SCNN1A: variants seen among roughly 807,000 people sequenced by gnomAD.
SCNN1A encodes sodium channel epithelial 1 subunit alpha.
A neutral mutation model predicts 68.6 loss-of-function variants in SCNN1A; 65 were observed. That is an observed-to-expected ratio of 0.95 (90% CI 0.78 to 1.16). The LOEUF (loss-of-function observed/expected upper bound fraction) is 1.16, where lower values mean the gene tolerates loss of function less well. Ranked by LOEUF, SCNN1A falls within the 50% of genes most tolerant of loss-of-function variation. The pLI is 0.00. For synonymous variants in SCNN1A, 357 were observed against 353.3 expected (o/e 1.01, Z -0.12); for missense variants, 880 against 865.9 (o/e 1.02, Z -0.20).
Position 6,347,705 on chromosome 12 carries a change from T to G in SCNN1A, c.*168A>C. On this transcript the variant is annotated 3_prime_UTR_variant, in exon 13 of 13. Coordinates refer to ENST00000228916, the MANE Select transcript of SCNN1A (RefSeq NM_001038.6). ...TCTGGGCAGCTTCATCAGCTACTGT[T>G]CTTGGAGCAACTTCCTGAGCCCTTA... 1.5e-6 allele frequency: 1 copy of G among 663,344 alleles called. No individual in the cohort carries two copies. Among genetic ancestry groups the G allele is most frequent in the Non-Finnish European group, 2.7e-6 (1 of 369,796 alleles). 41.1% of individuals were successfully genotyped at this position (663,344 alleles called of 1,614,324 possible).
rs1565481887 is a variant in SCNN1A, at chr12:6,362,098, G to A, written c.828C>T (p.Gly276=). Residue 276 remains glycine (G), a synonymous_variant, in exon 4 of 13, where the codon GGC becomes GGT. Coordinates refer to ENST00000228916, the MANE Select transcript of SCNN1A (RefSeq NM_001038.6). ...TGAAGCGGCAGGCGAAGATGAAGTT[G>A]CCCAGCGTGTCCTCCTCCAGGGATG... ...TLPSLEEDTL[G]NFIFACRFNQ... The A allele has an allele frequency of 1.2e-6, 2 of 1,614,140 alleles. No individual in the cohort carries two copies. Among genetic ancestry groups the A allele is most frequent in the South Asian group, 1.1e-5 (1 of 91,088 alleles).
chr12:6,352,156 A>G (rs1948399817), intron 8 of SCNN1A, among the ~76,000 whole-genome samples: 1 of 152,196 alleles, frequency 6.6e-6, no homozygotes, highest in Admixed American at 6.5e-5. Flanking sequence ...AATTAAAACT[A>G]AAATTTGACT....
chr12:6,375,702 C>T (rs759031799), upstream of SCNN1A: 112 of 1,435,406 alleles, frequency 7.8e-5, 1 homozygote, highest in Middle Eastern at 9.1e-4. Context: ...CCTGAGAAGG[C>T]GGACTCTGGG....
chr12:6,354,398 G>A (rs757171863), intron 8 of SCNN1A, 40 bp downstream of exon 8: 3 of 1,360,050 alleles, frequency 2.2e-6, no homozygotes, highest in Admixed American at 3.4e-5. Context: ...AGTGAGTACT[G>A]GGGTCAGTGG....
upstream of SCNN1A, chr12:6,377,058 C>A (rs980493514): frequency 3.7e-6 from 2 of 538,430 alleles, no homozygotes; most frequent in East Asian, 3.0e-5. Flanking sequence ...ACTCAGGAAG[C>A]CTTCCCAGAG....
At position 6,374,895 on chromosome 12, in the gene SCNN1A, T is replaced by C; in HGVS notation, c.-54-58A>G. ...AAGGGTCAGGGTCAAGGCTGAGCTCTGGGCCCTGAGTGCCCTCTCCCATCA... is the reference window on the plus strand; with the variant it reads ...AAGGGTCAGGGTCAAGGCTGAGCTCCGGGCCCTGAGTGCCCTCTCCCATCA... On this transcript the variant is annotated intron_variant, in intron 1 of 12. Coordinates refer to ENST00000228916, the MANE Select transcript of SCNN1A (RefSeq NM_001038.6). The surrounding 1 kb of genome is among the most constrained non-coding windows in gnomAD (Gnocchi z 6.2). 6.2e-7 allele frequency: 1 copy of C among 1,612,870 alleles called. No individual in the cohort carries two copies. Among genetic ancestry groups the C allele is most frequent in the Non-Finnish European group, 8.5e-7 (1 of 1,179,472 alleles).
chr12:6,375,859 G>T (rs984843322), upstream of SCNN1A: 93 of 1,322,362 alleles, frequency 7.0e-5, no homozygotes, highest in Middle Eastern at 2.8e-4. Flanking sequence ...GAGGGCCTGG[G>T]TGGGGAACCG....
At chr12:6,350,370 T>G (rs573856862) in intron 8 of SCNN1A, among the ~76,000 whole-genome samples, 3 of 148,370 alleles carry the variant, frequency 2.0e-5, no homozygotes, top group South Asian at 4.3e-4. Context: ...AGGCGGAGCT[T>G]GCAGTGAGCC....
At chr12:6,355,216 G>A (rs545247981) in intron 6 of SCNN1A, 56 bp downstream of exon 6, 63 of 1,573,420 alleles carry the variant, frequency 4.0e-5, no homozygotes, top group African/African-American at 1.5e-4. Context: ...ATGCCTCCCC[G>A]CTGCCCCTCT....
rs750953992 is a variant in SCNN1A, at chr12:6,351,327, T to C, written c.1361-1922A>G. The stretch of plus-strand genomic sequence containing the variant: ...CACACACTCTAAGATTCCATCTATA[T>C]GAAAGATTCAGAATAGCCGGGCGCA... On this transcript the variant is annotated intron_variant, in intron 8 of 12. Coordinates refer to ENST00000228916, the MANE Select transcript of SCNN1A (RefSeq NM_001038.6). This position sits in a 1 kb window ranked among gnomAD's most constrained non-coding sequence, Gnocchi z 4.2. 1.1e-4 allele frequency among the ~76,000 whole-genome samples: 17 copies of C among 152,168 alleles called. No individual in the cohort carries two copies. Among genetic ancestry groups the C allele is most frequent in the Non-Finnish European group, 1.9e-4 (13 of 68,032 alleles).
intron 12 of SCNN1A, 29 bp from the exon 13 acceptor site, chr12:6,348,282 G>A (rs372183064): frequency 1.4e-4 from 230 of 1,613,436 alleles, no homozygotes; most frequent in Admixed American, 1.8e-4. Context: ...ATTGACGATG[G>A]GACAGAGGGT....
Position 6,347,236 on chromosome 12 carries a change from G to A in SCNN1A, c.*637C>T, listed in dbSNP as rs554603722. 3.2e-5 allele frequency: 5 copies of A among 154,880 alleles called. No individual in the cohort carries two copies. The highest frequency in any genetic ancestry group is 6.3e-5 in the Admixed American group (1 of 15,826). 9.6% of individuals were successfully genotyped at this position (154,880 alleles called of 1,614,324 possible). On this transcript the variant is annotated 3_prime_UTR_variant, in exon 13 of 13. Transcript: ENST00000228916. ...AGAGGTATGAAAGACACAGGGCAGAGGTGCCGGGGCATGGCTCTGTGAGGG... is the reference window on the plus strand; with the variant it reads ...AGAGGTATGAAAGACACAGGGCAGAAGTGCCGGGGCATGGCTCTGTGAGGG...
chr12:6,368,610 T>C (rs1483895455), intron 2 of SCNN1A, among the ~76,000 whole-genome samples: 3 of 152,220 alleles, frequency 2.0e-5, no homozygotes, highest in African/African-American at 4.8e-5. Context: ...CATTCCCTTT[T>C]CCAGGTGAAA....
In SCNN1A at chr12:6,348,192, A is replaced by G. The variant is rs766598472; in HGVS notation, c.1691T>C (p.Leu564Ser). The G allele has an allele frequency of 4.3e-6, 7 of 1,614,144 alleles. No individual in the cohort carries two copies. Among genetic ancestry groups the G allele is most frequent in the Non-Finnish European group, 5.9e-6 (7 of 1,180,028 alleles). ...GAGCTCAGCCATCTCCACCACAGACAACACCGAGGAGCCGAACCACAGGCT... is the reference window on the plus strand; with the variant it reads ...GAGCTCAGCCATCTCCACCACAGACGACACCGAGGAGCCGAACCACAGGCT... The part of the protein sequence containing the change: ...QWSLWFGSSV[L>S]SVVEMAELVF... Residue 564 changes from leucine (L) to serine (S), a missense_variant, in exon 13 of 13, where the codon TTG becomes TCG. Physicochemically the swap from Leu to Ser is moderately radical, Grantham distance 145. This residue lies in a region of SCNN1A where 758 missense variants were observed against 721.8 expected (regional missense o/e 1.05). Coordinates refer to ENST00000228916, the MANE Select transcript of SCNN1A (RefSeq NM_001038.6).
At chr12:6,373,562 G>A (rs1948833194) in intron 2 of SCNN1A, among the ~76,000 whole-genome samples, 1 of 152,136 alleles carries the variant, frequency 6.6e-6, no homozygotes, top group African/African-American at 2.4e-5. Flanking sequence ...ACAAATAAAA[G>A]GTATACAAAA....
intron 7 of SCNN1A, 81 bp from the exon 8 acceptor site, chr12:6,354,636 C>T (rs1948461999): frequency 7.1e-7 from 1 of 1,408,092 alleles, no homozygotes; most frequent in Non-Finnish European, 1.0e-6. Context: ...CATCCTCTTT[C>T]CACCACCCCC....
At chr12:6,375,297 C>A (rs998349043) in intron 1 of SCNN1A, 2 of 1,438,574 alleles carry the variant, frequency 1.4e-6, no homozygotes, top group East Asian at 2.5e-5. Context: ...TTCCTCTCCC[C>A]CCCTTGCCTT....
rs543445778 is a variant in SCNN1A at position 6,352,846 on chromosome 12, G to A, written c.1360+1592C>T. ...TCACCACAGACAGGAACAAGGTAGG[G>A]ATGGACGCTGAACTCTGGGGTGAGA... is the stretch of plus-strand genomic sequence containing the variant. On this transcript the variant is annotated intron_variant, in intron 8 of 12. Transcript: ENST00000228916. Among the ~76,000 whole-genome samples, 273 of 152,374 alleles carry A rather than the reference G, an allele frequency of 1.8e-3. 2 individuals are homozygous for A. Among genetic ancestry groups the A allele is most frequent in the African/African-American group, 6.5e-3 (269 of 41,592 alleles).
At chr12:6,354,209 T>A (rs544511018) in intron 8 of SCNN1A, among the ~76,000 whole-genome samples, 1 of 151,382 alleles carries the variant, frequency 6.6e-6, no homozygotes, top group South Asian at 2.1e-4. Flanking sequence ...CCAGCCTGGG[T>A]GACAGAGCGA....
Sources: allele counts gnomAD v4.1 joint callset (sites outside exome capture counted in the v4.1 genomes callset), GRCh38; gene constraint gnomAD v4.1.1; regional missense constraint gnomAD v4.1.1; non-coding constraint Gnocchi (gnomAD v3.1); transcripts MANE v1.5; gene names NCBI Gene and HGNC (gene_info 2026-07-23, HGNC 2026-07-21).